KSR2: variants seen among roughly 807,000 people sequenced by gnomAD.
KSR2 encodes the protein kinase suppressor of ras 2.
In KSR2, 25 loss-of-function variants were observed where a neutral mutation model predicts 107.8. The ratio of observed to expected loss-of-function variants is 0.23; its 90% CI spans 0.17 to 0.32. The LOEUF is 0.32. Ranked by LOEUF, KSR2 falls within the 10% of genes least tolerant of loss-of-function variation. The pLI is 1.00. For missense variants in KSR2, 887 were observed against 1,268.9 expected, an observed-to-expected ratio of 0.70 and a Z score of 4.57; for synonymous variants, 480 against 507.0, an observed-to-expected ratio of 0.95 and a Z score of 0.71.
intron 14 of KSR2, among the ~76,000 whole-genome samples, chr12:117,506,428 AT>A (rs1276361160): frequency 6.6e-6 from 1 of 151,986 alleles, no homozygotes; most frequent in Non-Finnish European, 1.5e-5. Flanking sequence ...ACATTGATAT[AT>A]TTTTTTCCTG....
At chr12:117,643,010 T>C (rs1245440218) in intron 5 of KSR2, among the ~76,000 whole-genome samples, 1 of 152,216 alleles carries the variant, frequency 6.6e-6, no homozygotes, top group Non-Finnish European at 1.5e-5. Flanking sequence ...AGAGAGGTTT[T>C]ATTGCTAAAT....
chr12:117,921,512 C>G (rs943434138), intron 1 of KSR2, among the ~76,000 whole-genome samples: 3 of 152,136 alleles, frequency 2.0e-5, no homozygotes, highest in African/African-American at 7.2e-5. Context: ...GCCTCAGCTT[C>G]CCAGGACACT....
At chr12:117,570,577 A>C (rs1174241854) in intron 7 of KSR2, among the ~76,000 whole-genome samples, 1 of 152,220 alleles carries the variant, frequency 6.6e-6, no homozygotes, top group Non-Finnish European at 1.5e-5. Context: ...CAGAACTTCG[A>C]TGTTGCTTCA....
intron 4 of KSR2, among the ~76,000 whole-genome samples, chr12:117,723,575 C>T (rs1259586062): frequency 1.3e-5 from 2 of 151,974 alleles, no homozygotes; most frequent in Non-Finnish European, 2.9e-5. Flanking sequence ...GCTAGGCCAT[C>T]TTTTGGACAA....
intron 10 of KSR2, among the ~76,000 whole-genome samples, chr12:117,538,036 A>C (rs1415819755): frequency 6.6e-6 from 1 of 152,196 alleles, no homozygotes; most frequent in Non-Finnish European, 1.5e-5. Context: ...CCAGGGAGTG[A>C]AGTGGCTATT....
At chr12:117,699,596 G>A (rs963507668) in intron 4 of KSR2, among the ~76,000 whole-genome samples, 5 of 152,054 alleles carry the variant, frequency 3.3e-5, no homozygotes, top group African/African-American at 1.2e-4. Flanking sequence ...ACATAGAAAA[G>A]GTACAGGCAA....
chr12:117,964,720 T>C (rs1009819272), intron 1 of KSR2, among the ~76,000 whole-genome samples: 2 of 152,202 alleles, frequency 1.3e-5, no homozygotes, highest in Admixed American at 6.5e-5. Context: ...TCCTCTGAAG[T>C]AGGGAATATT....
At chr12:117,467,634 G>A (rs575802743) in intron 19 of KSR2, among the ~76,000 whole-genome samples, 1 of 152,274 alleles carries the variant, frequency 6.6e-6, no homozygotes, top group East Asian at 1.9e-4. Context: ...TAGTGTATGG[G>A]GCTGGGATAA....
Position 117,573,030 on chromosome 12 carries a change from C to T in KSR2, c.1325+6089G>A, listed in dbSNP as rs149567548. On this transcript the variant is annotated intron_variant, in intron 7 of 19. Transcript: ENST00000339824. The stretch of plus-strand genomic sequence containing the variant: ...CTACACTCAGAGCTAAACTCCATTC[C>T]GCTCTCATGAACCTATTAGATGAAA... Among the ~76,000 whole-genome samples the T allele has an allele frequency of 1.5e-3, 227 of 152,314 alleles. No individual in the cohort carries two copies. In the Middle Eastern group the frequency reaches 0.02, roughly 14 times the overall value.
intron 7 of KSR2, among the ~76,000 whole-genome samples, chr12:117,573,749 G>A (rs1238458869): frequency 4.0e-5 from 6 of 151,746 alleles, no homozygotes; most frequent in African/African-American, 1.5e-4. Context: ...GGCTGGTCTC[G>A]AACTCCTGAC....
In KSR2 at chr12:117,731,027, A is replaced by G. The variant is rs1395141266; in HGVS notation, c.986+29984T>C. 7.5e-5 allele frequency among the ~76,000 whole-genome samples: 10 copies of G among 133,130 alleles called. No individual in the cohort carries two copies. In the South Asian group the frequency reaches 1.5e-3, roughly 20 times the overall value. 87.3% of individuals were successfully genotyped at this position (133,130 alleles called of 152,430 possible). On this transcript the variant is annotated intron_variant, in intron 4 of 19. Coordinates refer to ENST00000339824, the MANE Select transcript of KSR2 (RefSeq NM_173598.6). ...CCGCCCAGTCTGGGAAGTGAGGAGC[A>G]CCTCTTCCCGGCCGCCATCCCGTCT...
intron 1 of KSR2, 61 bp downstream of exon 1, chr12:117,968,015 G>A: frequency 7.1e-7 from 1 of 1,408,132 alleles, no homozygotes; most frequent in Non-Finnish European, 9.8e-7. Context: ...GAAAGGAGGG[G>A]GAAAGAAGGA....
chr12:117,894,598 G>A (rs570741176), intron 1 of KSR2, among the ~76,000 whole-genome samples: 37 of 152,238 alleles, frequency 2.4e-4, no homozygotes, highest in Admixed American at 6.5e-4. Flanking sequence ...GTTGGAGAAG[G>A]GACCTGGTGG....
chr12:117,562,763 C>T (rs565524562), intron 7 of KSR2, among the ~76,000 whole-genome samples: 133 of 152,198 alleles, frequency 8.7e-4, no homozygotes, highest in African/African-American at 3.1e-3. Context: ...CCTCCTTGAC[C>T]TCTGTCCCAG....
intron 4 of KSR2, among the ~76,000 whole-genome samples, chr12:117,747,991 T>C (rs978163003): frequency 6.6e-6 from 1 of 152,258 alleles, no homozygotes; most frequent in African/African-American, 2.4e-5. Context: ...GTCAAAGAGA[T>C]ATCTGCACTA....
At chr12:117,800,436 T>C (rs1219721624) in intron 3 of KSR2, among the ~76,000 whole-genome samples, 2 of 152,078 alleles carry the variant, frequency 1.3e-5, no homozygotes, top group Non-Finnish European at 2.9e-5. Context: ...GCTTATCCCC[T>C]GGGGAAAAGA....
At chr12:117,710,212 C>T (rs746865756) in intron 4 of KSR2, among the ~76,000 whole-genome samples, 10 of 149,998 alleles carry the variant, frequency 6.7e-5, no homozygotes, top group Admixed American at 1.3e-4. Context: ...ATCAAACCAT[C>T]GCTGCTGTTT....
chr12:117,903,718 C>T (rs1293298270), intron 1 of KSR2, among the ~76,000 whole-genome samples: 2 of 152,118 alleles, frequency 1.3e-5, no homozygotes, highest in East Asian at 3.9e-4. Flanking sequence ...AAAAATAAGC[C>T]TTTGAGGCCG....
At chr12:117,830,065 C>T (rs145236426) in intron 3 of KSR2, among the ~76,000 whole-genome samples, 1,646 of 152,132 alleles carry the variant, frequency 0.011, 35 homozygotes, top group African/African-American at 0.038. Flanking sequence ...GTCAGGAGTT[C>T]GAGACCAGCT....
Sources: allele counts gnomAD v4.1 joint callset (sites outside exome capture counted in the v4.1 genomes callset), GRCh38; gene constraint gnomAD v4.1.1; transcripts MANE v1.5; gene names NCBI Gene and HGNC (gene_info 2026-07-23, HGNC 2026-07-21).